The following FUT8 variants were observed in gnomAD, a reference collection of about 807,000 sequenced individuals.
FUT8 encodes fucosyltransferase 8, also known as alpha-(1,6)-fucosyltransferase.
In FUT8, 29 loss-of-function variants were observed where a neutral mutation model predicts 71.3. That is an observed-to-expected ratio of 0.41 (90% CI 0.30 to 0.55). The LOEUF is 0.55. FUT8 is among the 20% of genes least tolerant of loss of function. FUT8 has a pLI of 0.34. For missense variants in FUT8, 544 were observed against 702.1 expected (o/e 0.77, Z 2.55); for synonymous variants, 254 against 239.3 (o/e 1.06, Z -0.57).
At chr14:65,711,170 C>G (rs1894797502) in intron 7 of FUT8, among the ~76,000 whole-genome samples, 1 of 152,088 alleles carries the variant, frequency 6.6e-6, no homozygotes, top group African/African-American at 2.4e-5. Context: ...GTAATGATCA[C>G]TAAATATTTA....
At chr14:65,487,932 A>C (rs149537196) in intron 2 of FUT8, among the ~76,000 whole-genome samples, 1 of 152,208 alleles carries the variant, frequency 6.6e-6, no homozygotes, top group East Asian at 1.9e-4. Flanking sequence ...AGCTCAAGTG[A>C]TCTTCCTGTC....
chr14:65,419,327 TA>T (rs929287884), intron 1 of FUT8, among the ~76,000 whole-genome samples: 12 of 146,286 alleles, frequency 8.2e-5, no homozygotes, highest in South Asian at 4.3e-4. Flanking sequence ...TACTGTAATG[TA>T]AAAAAAAAAA....
At chr14:65,537,842 T>C (rs1163317854) in intron 2 of FUT8, among the ~76,000 whole-genome samples, 1 of 152,248 alleles carries the variant, frequency 6.6e-6, no homozygotes, top group African/African-American at 2.4e-5. Context: ...TTCTGTGAAC[T>C]GTTGTGCTGG....
chr14:65,712,455 C>G (rs150392358), intron 7 of FUT8, among the ~76,000 whole-genome samples: 2 of 152,000 alleles, frequency 1.3e-5, no homozygotes, highest in Admixed American at 6.6e-5. Context: ...GTGGTAGTTG[C>G]GTTTTTGAGA....
intron 2 of FUT8, among the ~76,000 whole-genome samples, chr14:65,543,527 A>G (rs1316134358): frequency 1.3e-5 from 2 of 152,086 alleles, no homozygotes; most frequent in Non-Finnish European, 2.9e-5. Context: ...ATAATGGAAG[A>G]GGGTGAGTGT....
intron 2 of FUT8, among the ~76,000 whole-genome samples, chr14:65,560,880 T>G (rs1223399548): frequency 1.3e-5 from 2 of 152,190 alleles, no homozygotes; most frequent in Non-Finnish European, 2.9e-5. Flanking sequence ...TAATGGCAGC[T>G]GAACAATGAG....
chr14:65,407,876 A>G (rs1211229367), upstream of FUT8, among the ~76,000 whole-genome samples: 4 of 152,150 alleles, frequency 2.6e-5, no homozygotes, highest in Non-Finnish European at 5.9e-5. Context: ...ATTGCTGCCA[A>G]TGGCAATCTG....
chr14:65,592,348 TTCAAGCATAAGTGGCTTC>T, intron 3 of FUT8, among the ~76,000 whole-genome samples: 1 of 151,984 alleles, frequency 6.6e-6, no homozygotes, highest in Admixed American at 6.5e-5. Flanking sequence ...TTTTCCTTCA[TTCAAGCATAAGTGGCTTC>T]CTATAGAGGA....
At chr14:65,606,352 C>T (rs917601468) in intron 3 of FUT8, among the ~76,000 whole-genome samples, 3 of 151,658 alleles carry the variant, frequency 2.0e-5, no homozygotes, top group Admixed American at 1.3e-4. Flanking sequence ...GCTGGGATTA[C>T]AGGCATAAGC....
At chr14:65,611,223 G>GCACACACACACA (rs1222817416) in intron 3 of FUT8, among the ~76,000 whole-genome samples, 1 of 3,214 alleles carries the variant, frequency 3.1e-4, no homozygotes, top group African/African-American at 5.1e-4. Context: ...GCGCGCGCGC[G>GCACACACACACA]CACACACACA....
chr14:65,602,341 T>TCACACA (rs1279690439), intron 3 of FUT8, among the ~76,000 whole-genome samples: 10 of 49,970 alleles, frequency 2.0e-4, no homozygotes, highest in Admixed American at 4.2e-4. Context: ...GCGTTCCATC[T>TCACACA]CTCACACACA....
chr14:65,518,865 A>G (rs1014844328), intron 2 of FUT8, among the ~76,000 whole-genome samples: 2 of 152,190 alleles, frequency 1.3e-5, no homozygotes, highest in Non-Finnish European at 2.9e-5. Context: ...GGTGCCTTGC[A>G]CATAATAAAA....
At chr14:65,632,618 C>T (rs1227663805) in intron 6 of FUT8, among the ~76,000 whole-genome samples, 3 of 151,768 alleles carry the variant, frequency 2.0e-5, no homozygotes, top group Non-Finnish European at 4.4e-5. Flanking sequence ...GTGTATTAGT[C>T]CTTTGTCAGA....
chr14:65,378,732 G>C, the FUT8 span, among the ~76,000 whole-genome samples: 1 of 147,840 alleles, frequency 6.8e-6, no homozygotes, highest in Non-Finnish European at 1.5e-5. Flanking sequence ...CCAAACATCT[G>C]TTTGTCTACA....
At chr14:65,580,652 T>C (rs1331022383) in intron 3 of FUT8, among the ~76,000 whole-genome samples, 3 of 151,968 alleles carry the variant, frequency 2.0e-5, no homozygotes, top group Non-Finnish European at 2.9e-5. Flanking sequence ...CAGTGAAAAA[T>C]ATAGGCTTCC....
chr14:65,486,844 T>C (rs926765859), intron 2 of FUT8, among the ~76,000 whole-genome samples: 3 of 152,240 alleles, frequency 2.0e-5, no homozygotes, highest in East Asian at 1.9e-4. Context: ...GTTTGTGTGC[T>C]TAATAAGTGT....
At chr14:65,381,028 C>T in the FUT8 span, among the ~76,000 whole-genome samples, 1 of 152,242 alleles carries the variant, frequency 6.6e-6, no homozygotes, top group Admixed American at 6.5e-5. Context: ...AAAGAGGTGG[C>T]ACAGTCCTAG....
chr14:65,592,655 C>G (rs1887754415), intron 3 of FUT8, among the ~76,000 whole-genome samples: 1 of 152,182 alleles, frequency 6.6e-6, no homozygotes, highest in Non-Finnish European at 1.5e-5. Flanking sequence ...GACAGTTTAT[C>G]TTCTAGAACA....
At chr14:65,570,883 T>C (rs1234574308) in intron 3 of FUT8, among the ~76,000 whole-genome samples, 2 of 152,050 alleles carry the variant, frequency 1.3e-5, no homozygotes, top group African/African-American at 4.8e-5. Context: ...AATAGCTGAG[T>C]CTTGCCCAAT....
Sources: gnomAD v4.1 joint callset for allele counts (sites outside exome capture counted in the v4.1 genomes callset) on GRCh38, gnomAD v4.1.1 for gene constraint, MANE v1.5 for transcripts, NCBI Gene and HGNC (gene_info 2026-07-23, HGNC 2026-07-21) for gene names.